GOLGA1: variants seen among roughly 807,000 people sequenced by gnomAD.
The protein encoded by GOLGA1 is golgin subfamily A member 1.
A neutral mutation model predicts 119.7 loss-of-function variants in GOLGA1; 63 were observed. That is an observed-to-expected ratio of 0.53 (90% CI 0.43 to 0.65). GOLGA1 has a LOEUF of 0.65. Among genes scored for constraint, GOLGA1 ranks in the 30% least tolerant of loss-of-function variants. The probability of loss-of-function intolerance (pLI) is 0.00; values close to 1 mark genes in which losing one functional copy is unlikely to be tolerated. For missense variants in GOLGA1, 798 were observed against 912.8 expected, an observed-to-expected ratio of 0.87 and a Z score of 1.62; for synonymous variants, 318 against 333.4, an observed-to-expected ratio of 0.95 and a Z score of 0.50.
intron 12 of GOLGA1, among the ~76,000 whole-genome samples, chr9:124,904,565 T>C (rs1830180938): frequency 1.3e-5 from 2 of 152,180 alleles, no homozygotes; most frequent in African/African-American, 4.8e-5. Context: ...TCCCAGCACT[T>C]TGGGAAGCTG....
At chr9:124,910,120 G>A (rs1347291950) in intron 11 of GOLGA1, among the ~76,000 whole-genome samples, 4 of 151,886 alleles carry the variant, frequency 2.6e-5, no homozygotes, top group Admixed American at 6.6e-5. Context: ...TAGTAGAGAC[G>A]GGCTTTCACC....
At chr9:124,923,044 G>C (rs748392773) in intron 8 of GOLGA1, 51 bp downstream of exon 8, 2 of 1,290,056 alleles carry the variant, frequency 1.6e-6, no homozygotes, top group South Asian at 2.5e-5. Flanking sequence ...AGTAAAATCA[G>C]AGTGAATAAT....
intron 12 of GOLGA1, among the ~76,000 whole-genome samples, chr9:124,903,169 T>C (rs1824852853): frequency 6.6e-6 from 1 of 152,056 alleles, no homozygotes; most frequent in Non-Finnish European, 1.5e-5. Context: ...AGCCAAAAGA[T>C]AGAAACAACG....
chr9:124,938,421 A>T (rs1163473763), intron 3 of GOLGA1, among the ~76,000 whole-genome samples, 156 bp downstream of exon 3: 1 of 152,196 alleles, frequency 6.6e-6, no homozygotes, highest in Non-Finnish European at 1.5e-5. Flanking sequence ...CAAACCAAAC[A>T]TTAACAAAAA....
chr9:124,881,080 C>A lies in GOLGA1; in HGVS notation c.2223+91G>T, dbSNP rs1023605361. 3.1e-5 allele frequency: 24 copies of A among 775,674 alleles called. No individual in the cohort carries two copies. The South Asian group carries it at 3.2e-4, about 10-fold the overall frequency. 48.0% of individuals were successfully genotyped at this position (775,674 alleles called of 1,614,324 possible). ...ATGCAGCTGTGCTGGTGCCTACACTCGGGTGTGGGTCTAAGGGGTCTTACA... is the reference window on the plus strand; with the variant it reads ...ATGCAGCTGTGCTGGTGCCTACACTAGGGTGTGGGTCTAAGGGGTCTTACA... On this transcript the variant is annotated intron_variant, in intron 22 of 22. Coordinates refer to ENST00000373555, the MANE Select transcript of GOLGA1 (RefSeq NM_002077.4). This position sits in a 1 kb window ranked among gnomAD's most constrained non-coding sequence, Gnocchi z 4.9.
At chr9:124,922,282 G>A (rs981638639) in intron 8 of GOLGA1, among the ~76,000 whole-genome samples, 2 of 145,336 alleles carry the variant, frequency 1.4e-5, no homozygotes, top group African/African-American at 5.1e-5. Context: ...GCTGGATACG[G>A]TGGCTCACGC....
At chr9:124,939,432 G>C (rs1211353692) in intron 2 of GOLGA1, among the ~76,000 whole-genome samples, 1 of 151,390 alleles carries the variant, frequency 6.6e-6, no homozygotes, top group Non-Finnish European at 1.5e-5. Context: ...ACAGAAAAAA[G>C]AAGACACACC....
chr9:124,925,146 A>G (rs2131502786), intron 7 of GOLGA1, among the ~76,000 whole-genome samples: 1 of 152,216 alleles, frequency 6.6e-6, no homozygotes, highest in South Asian at 2.1e-4. Flanking sequence ...CAAAGAGAAA[A>G]TTCCCTTTGT....
intron 12 of GOLGA1, among the ~76,000 whole-genome samples, chr9:124,906,016 C>T (rs772694615): frequency 5.4e-5 from 8 of 148,614 alleles, no homozygotes; most frequent in Admixed American, 1.3e-4. Flanking sequence ...AGAAGGCTGA[C>T]GCAGAAGAAT....
At position 124,941,028 on chromosome 9, in the gene GOLGA1, GC is replaced by G. The variant is rs1245952594; in HGVS notation, c.-264del. Reference sequence around the variant, plus strand: ...CCTCCCGGGCCTCTCGTGAGCCCCGGCCCGCGTCACCAACCCCCACCGCCCA... The same window carrying G: ...CCTCCCGGGCCTCTCGTGAGCCCCGGCCGCGTCACCAACCCCCACCGCCCA... On this transcript the variant is annotated 5_prime_UTR_variant, in exon 1 of 23. Transcript: ENST00000373555. 3 of 152,368 alleles carry G rather than the reference GC, an allele frequency of 2.0e-5. No individual in the cohort carries two copies. The highest frequency in any genetic ancestry group is 7.2e-5 in the African/African-American group (3 of 41,454). 9.4% of individuals were successfully genotyped at this position (152,368 alleles called of 1,614,324 possible).
chr9:124,898,664 C>T lies in GOLGA1; in HGVS notation c.1312-20G>A, dbSNP rs2131404892. 6.8e-7 allele frequency: 1 copy of T among 1,462,786 alleles called. No homozygotes were observed. The highest frequency in any genetic ancestry group is 1.1e-5 in the South Asian group (1 of 87,172). 90.6% of individuals were successfully genotyped at this position (1,462,786 alleles called of 1,614,324 possible). A position where few individuals can be genotyped will look rare whatever the true frequency, so the allele number is the denominator to read the frequency against. On this transcript the variant is annotated intron_variant, in intron 14 of 22. Coordinates refer to ENST00000373555, the MANE Select transcript of GOLGA1 (RefSeq NM_002077.4). The stretch of plus-strand genomic sequence containing the variant: ...TTGTCTCTGCCAATTCAGAAGAACA[C>T]ATATAAAAGAAGTCTTCACTACCAT...
chr9:124,908,370 T>C lies in GOLGA1; in HGVS notation c.1065+7A>G. 1 of 1,501,122 alleles carries C rather than the reference T, an allele frequency of 6.7e-7. No individual in the cohort carries two copies. The highest frequency in any genetic ancestry group is 1.1e-5 in the South Asian group (1 of 88,814). 93.0% of individuals were successfully genotyped at this position (1,501,122 alleles called of 1,614,324 possible). On this transcript the variant is annotated splice_region_variant and intron_variant, in intron 12 of 22. Coordinates refer to ENST00000373555, the MANE Select transcript of GOLGA1 (RefSeq NM_002077.4). ...AACTTAGGAAACACCAGGAGTAAGG[T>C]CAGTACCCGAGTCTCCAGGGTGTTA...
chr9:124,919,802 A>G (rs1203131253), intron 10 of GOLGA1, among the ~76,000 whole-genome samples: 1 of 152,106 alleles, frequency 6.6e-6, no homozygotes, highest in Non-Finnish European at 1.5e-5. Context: ...GAAGGATGCT[A>G]TTGGCATTCA....
At chr9:124,903,838 C>A (rs1004734652) in intron 12 of GOLGA1, among the ~76,000 whole-genome samples, 1 of 151,994 alleles carries the variant, frequency 6.6e-6, no homozygotes, top group African/African-American at 2.4e-5. Context: ...GTCACAAGGT[C>A]AGGAGATTGA....
chr9:124,886,891 G>A (rs1019697008), intron 19 of GOLGA1, among the ~76,000 whole-genome samples: 4 of 152,072 alleles, frequency 2.6e-5, no homozygotes, highest in South Asian at 2.1e-4. Flanking sequence ...GAAGGCCCAC[G>A]GATGAGGTGG....
chr9:124,901,388 A>G (rs1160086534), intron 12 of GOLGA1, among the ~76,000 whole-genome samples: 2 of 149,664 alleles, frequency 1.3e-5, no homozygotes, highest in Non-Finnish European at 2.9e-5. Context: ...CTCCTGCCTC[A>G]GCCTCCTGGG....
chr9:124,901,206 C>T (rs1830097801), intron 12 of GOLGA1, among the ~76,000 whole-genome samples: 2 of 151,544 alleles, frequency 1.3e-5, no homozygotes, highest in South Asian at 2.1e-4. Flanking sequence ...CTCCTGACCT[C>T]GTGATCCACC....
chr9:124,924,252 G>C (rs1830627078), intron 7 of GOLGA1, among the ~76,000 whole-genome samples: 2 of 151,972 alleles, frequency 1.3e-5, no homozygotes, highest in Non-Finnish European at 2.9e-5. Context: ...AATGCACGTA[G>C]ATTAAAAGTA....
At position 124,921,230 on chromosome 9, in the gene GOLGA1, T is replaced by C. The variant is rs753878969; in HGVS notation, c.742A>G (p.Ile248Val). The C allele has an allele frequency of 1.3e-6, 2 of 1,596,778 alleles. No individual in the cohort carries two copies. Among genetic ancestry groups the C allele is most frequent in the Non-Finnish European group, 1.7e-6 (2 of 1,164,306 alleles). The change falls in exon 10 of 23, where the codon ATA becomes GTA. Residue 248 changes from isoleucine (I) to valine (V), a missense_variant. Ile to Val is a conservative substitution (Grantham distance 29). Transcript: ENST00000373555. The stretch of plus-strand genomic sequence containing the variant: ...CTTTCTGCACCTGTTTTTGAAGCTA[T>C]CACATGATCTCTTCATCAAAAGAAA... ...STLEEQRDHVIASKTGAESKI... is the reference protein window; with the variant it reads ...STLEEQRDHVVASKTGAESKI...
Sources: allele counts gnomAD v4.1 joint callset (sites outside exome capture counted in the v4.1 genomes callset), GRCh38; gene constraint gnomAD v4.1.1; non-coding constraint Gnocchi (gnomAD v3.1); transcripts MANE v1.5; gene names NCBI Gene and HGNC (gene_info 2026-07-23, HGNC 2026-07-21).